NDUFS1: variants seen among roughly 807,000 people sequenced by gnomAD.
The protein encoded by NDUFS1 is NADH:ubiquinone oxidoreductase core subunit S1.
A neutral mutation model predicts 84.4 loss-of-function variants in NDUFS1; 61 were observed. The observed-to-expected ratio is 0.72, with a 90% CI of 0.59 to 0.89. NDUFS1 has a LOEUF of 0.89. Ranked by LOEUF, NDUFS1 falls within the 40% of genes least tolerant of loss-of-function variation. The pLI, the probability that NDUFS1 is intolerant of heterozygous loss-of-function variation, is 0.00. For missense variants in NDUFS1, 891 were observed against 890.0 expected (o/e 1.00, Z -0.01); for synonymous variants, 275 against 290.0 (o/e 0.95, Z 0.53).
chr2:206,149,700 G>C, intron 4 of NDUFS1, 118 bp downstream of exon 4: 2 of 741,692 alleles, frequency 2.7e-6, no homozygotes, highest in Non-Finnish European at 4.8e-6. Context: ...TAAATTTATA[G>C]ATAGAAGTAA....
chr2:206,153,270 T>C (rs1692445964), intron 2 of NDUFS1, among the ~76,000 whole-genome samples: 1 of 151,488 alleles, frequency 6.6e-6, no homozygotes, highest in African/African-American at 2.4e-5. Context: ...ATCTTGGCTG[T>C]ATGCAACCTC....
chr2:206,144,794 G>A lies in NDUFS1; in HGVS notation c.872+98C>T, dbSNP rs889880872. 4 of 1,278,730 alleles carry A rather than the reference G, an allele frequency of 3.1e-6. No individual in the cohort carries two copies. In the African/African-American group the frequency reaches 6.0e-5, roughly 19 times the overall value. The allele number at this position is 1,278,730 out of a possible 1,614,324, so 79.2% of individuals were successfully genotyped here. ...CTCAGATTCCAGTAGTCTATATTCAGTAACTAATTTGCAAATATAAAAGAT... is the reference window on the plus strand; with the variant it reads ...CTCAGATTCCAGTAGTCTATATTCAATAACTAATTTGCAAATATAAAAGAT... On this transcript the variant is annotated intron_variant, in intron 9 of 18. Transcript: ENST00000233190.
At chr2:206,138,381 T>C in intron 13 of NDUFS1, 104 bp downstream of exon 13, 1 of 1,345,408 alleles carries the variant, frequency 7.4e-7, no homozygotes, top group Non-Finnish European at 1.0e-6. Context: ...GCGCCCAACC[T>C]GGTGTAAGTT....
At chr2:206,147,923 A>AT (rs879912751) in intron 5 of NDUFS1, 89 bp from the exon 6 acceptor site, 40,098 of 878,028 alleles carry the variant, frequency 0.046, no homozygotes, top group East Asian at 0.053. Flanking sequence ...TATAGACTTT[A>AT]TTTTTTTTTT....
At chr2:206,125,969 T>TA (rs1691278547) in intron 18 of NDUFS1, among the ~76,000 whole-genome samples, 1 of 152,196 alleles carries the variant, frequency 6.6e-6, no homozygotes, top group Non-Finnish European at 1.5e-5. Flanking sequence ...AATACTTATT[T>TA]AAAAAATCTT....
Position 206,123,034 on chromosome 2 carries a change from C to T in NDUFS1, c.*1151G>A, listed in dbSNP as rs1202851862. On this transcript the variant is annotated 3_prime_UTR_variant, in exon 19 of 19. Transcript: ENST00000233190. ...ACAGGTGTAAGCCACCACACCCAAC[C>T]TTAGATTAAAAAAAAAAATTATCTA... is the stretch of plus-strand genomic sequence containing the variant. 6.6e-6 allele frequency: 1 copy of T among 151,916 alleles called. No individual in the cohort carries two copies. Among genetic ancestry groups the T allele is most frequent in the Non-Finnish European group, 1.5e-5 (1 of 67,972 alleles). The allele number at this position is 151,916 out of a possible 1,614,324, so 9.4% of individuals were successfully genotyped here. A position where few individuals can be genotyped will look rare whatever the true frequency, so the allele number is the denominator to read the frequency against.
rs555183089 is a variant in NDUFS1, at chr2:206,141,595, A to T, written c.1262+346T>A. Among the ~76,000 whole-genome samples the T allele has an allele frequency of 2.9e-3, 292 of 102,000 alleles. 2 individuals carry two copies. Among genetic ancestry groups the T allele is most frequent in the African/African-American group, 0.015 (276 of 17,854 alleles). The allele number at this position is 102,000 out of a possible 152,430, so 66.9% of individuals were successfully genotyped here. A position where few individuals can be genotyped will look rare whatever the true frequency, so the allele number is the denominator to read the frequency against. On this transcript the variant is annotated intron_variant, in intron 12 of 18. Coordinates refer to ENST00000233190, the MANE Select transcript of NDUFS1 (RefSeq NM_005006.7). ...TTTAAAAATCTAAAAAATTAAAAAA[A>T]TTAAAAAAAAAAAAAGGCTCGGTGC...
Position 206,142,895 on chromosome 2 carries a change from T to C in NDUFS1, c.988-64A>G, listed in dbSNP as rs1009980812. On this transcript the variant is annotated intron_variant, in intron 10 of 18. Coordinates refer to ENST00000233190, the MANE Select transcript of NDUFS1 (RefSeq NM_005006.7). ...ACGCAGCAAAGACCACAATGAAATG[T>C]TCAGAAAATAAAACAGTACTTGTTT... 1.8e-5 allele frequency: 28 copies of C among 1,589,738 alleles called. No individual in the cohort carries two copies. In the Middle Eastern group the frequency reaches 7.0e-4, roughly 40 times the overall value.
Position 206,142,668 on chromosome 2 carries a change from T to C in NDUFS1, c.1133+18A>G. On this transcript the variant is annotated intron_variant, in intron 11 of 18. Transcript: ENST00000233190. ...AAAAAAGAAAGGAAAGCCTAGATCC[T>C]AGCTTCATATTTCTCACCCAGCTCC... 1.2e-6 allele frequency: 2 copies of C among 1,614,180 alleles called. No homozygotes were observed. Among genetic ancestry groups the C allele is most frequent in the South Asian group, 1.1e-5 (1 of 91,088 alleles).
intron 5 of NDUFS1, among the ~76,000 whole-genome samples, chr2:206,148,768 T>G (rs976336805): frequency 1.3e-5 from 2 of 152,186 alleles, no homozygotes; most frequent in Admixed American, 1.3e-4. Flanking sequence ...TAAGTCCAGA[T>G]TCACCCTTCT....
chr2:206,149,936 A>G lies in NDUFS1; in HGVS notation c.154-11T>C. 3.4e-6 allele frequency: 1 copy of G among 295,032 alleles called. No individual in the cohort carries two copies. The highest frequency in any genetic ancestry group is 5.0e-6 in the Non-Finnish European group (1 of 201,154). 18.3% of individuals were successfully genotyped at this position (295,032 alleles called of 1,614,324 possible). ...AACCTTCTCACAAGCCTAGAAGTAA[A>G]AAAAAAAAAAAAAAAAAAAAAAGCA... On this transcript the variant is annotated splice_polypyrimidine_tract_variant and intron_variant, in intron 3 of 18. Transcript: ENST00000233190.
At chr2:206,129,309 C>A (rs1691415036) in intron 15 of NDUFS1, among the ~76,000 whole-genome samples, 1 of 152,094 alleles carries the variant, frequency 6.6e-6, no homozygotes, top group South Asian at 2.1e-4. Context: ...GTCACCCAGG[C>A]TGGAGTGCAG....
chr2:206,137,571 T>C (rs966542496), intron 13 of NDUFS1, among the ~76,000 whole-genome samples: 3 of 151,566 alleles, frequency 2.0e-5, no homozygotes, highest in Non-Finnish European at 2.9e-5. Context: ...GCAGTGTCTA[T>C]AAAGCTCAGA....
chr2:206,145,427 C>T (rs1692120900), intron 8 of NDUFS1, among the ~76,000 whole-genome samples: 1 of 152,130 alleles, frequency 6.6e-6, no homozygotes, highest in Admixed American at 6.6e-5. Flanking sequence ...TCCCGGCACA[C>T]CCACATTTGA....
intron 8 of NDUFS1, among the ~76,000 whole-genome samples, chr2:206,146,363 A>G (rs1692153916): frequency 6.6e-6 from 1 of 152,268 alleles, no homozygotes; most frequent in Non-Finnish European, 1.5e-5. Flanking sequence ...CCCAAGTTGA[A>G]AAGTATAAAG....
chr2:206,136,873 A>G (rs1691737625), intron 13 of NDUFS1, among the ~76,000 whole-genome samples: 1 of 151,760 alleles, frequency 6.6e-6, no homozygotes, highest in South Asian at 2.1e-4. Flanking sequence ...CTCCTGCCTC[A>G]GCCTCCTGAG....
In NDUFS1 at chr2:206,145,102, ATTTTT is replaced by A. The variant is rs1025644622; in HGVS notation, c.738-81_738-77del. On this transcript the variant is annotated intron_variant, in intron 8 of 18. Coordinates refer to ENST00000233190, the MANE Select transcript of NDUFS1 (RefSeq NM_005006.7). ...TTTCTGTTACCTGGTTTACCAAAAA[ATTTTT>A]TTTACAATTAATTCCCTTTCTGAAT... The A allele has an allele frequency of 2.8e-6, 4 of 1,449,504 alleles. No individual in the cohort carries two copies. The African/African-American group carries it at 4.3e-5, about 16-fold the overall frequency. The allele number at this position is 1,449,504 out of a possible 1,614,324, so 89.8% of individuals were successfully genotyped here.
intron 12 of NDUFS1, among the ~76,000 whole-genome samples, chr2:206,140,457 C>G (rs558029264): frequency 1.3e-4 from 20 of 152,134 alleles, no homozygotes; most frequent in African/African-American, 4.6e-4. Flanking sequence ...TGACCCGAAA[C>G]TGAGATCTCA....
In NDUFS1 at chr2:206,142,009, A is replaced by G. The variant is rs753151302; in HGVS notation, c.1194T>C (p.Asp398=). ...GGTTTGTACCAACCAGAAGAACAAC[A>G]TCTGCCTCTTCCACACCAGCAATTG... ...NTTIAGVEEA[D]VVLLVGTNPR... Residue 398 remains aspartate (D), a synonymous_variant, in exon 12 of 19, where the codon GAT becomes GAC. Transcript: ENST00000233190. The G allele has an allele frequency of 6.2e-7, 1 of 1,608,196 alleles. No homozygotes were observed. The highest frequency in any genetic ancestry group is 8.5e-7 in the Non-Finnish European group (1 of 1,174,574).
Sources: allele counts gnomAD v4.1 joint callset (sites outside exome capture counted in the v4.1 genomes callset), GRCh38; gene constraint gnomAD v4.1.1; transcripts MANE v1.5; gene names NCBI Gene and HGNC (gene_info 2026-07-23, HGNC 2026-07-21).